Variants in ZNF407 observed in about 807,000 individuals in gnomAD.
ZNF407 encodes the protein zinc finger protein 407.
ZNF407 carries 17 observed loss-of-function variants against 131.2 expected under a neutral mutation model. That is an observed-to-expected ratio of 0.13 (90% CI 0.09 to 0.19). The LOEUF (loss-of-function observed/expected upper bound fraction) is 0.19. ZNF407 is among the 10% of genes least tolerant of loss of function. ZNF407 has a pLI of 1.00. For missense variants in ZNF407, 2,681 were observed against 2,830.6 expected (o/e 0.95, Z 1.20); for synonymous variants, 1,156 against 1,062.0 (o/e 1.09, Z -1.72).
Position 74,635,230 on chromosome 18 carries a change from A to G in ZNF407, c.4211A>G (p.Glu1404Gly), listed in dbSNP as rs1385183064. The change falls in exon 2 of 9, where the codon GAG (glutamate) becomes GGG (glycine). Residue 1404 changes from glutamate to glycine, a missense_variant. Coordinates refer to ENST00000299687, the MANE Select transcript of ZNF407 (RefSeq NM_017757.3). The surrounding 1 kb of genome is among the most constrained non-coding windows in gnomAD (Gnocchi z 4.7). Reference sequence around the variant, plus strand: ...CAAGGTGTGAAAAAGAAGAAATCTGAGGGCAGTTCCATTGGTGAGTCTACA... The same window carrying G: ...CAAGGTGTGAAAAAGAAGAAATCTGGGGGCAGTTCCATTGGTGAGTCTACA... Reference protein sequence around the residue: ...CAQGVKKKKSEGSSIGESTRI... With the variant: ...CAQGVKKKKSGGSSIGESTRI... 1.2e-6 allele frequency: 2 copies of G among 1,613,876 alleles called. No homozygotes were observed. The highest frequency in any genetic ancestry group is 1.7e-6 in the Non-Finnish European group (2 of 1,179,830).
At chr18:74,853,979 G>A (rs1220949259) in intron 4 of ZNF407, among the ~76,000 whole-genome samples, 2 of 152,148 alleles carry the variant, frequency 1.3e-5, no homozygotes, top group Non-Finnish European at 2.9e-5. Flanking sequence ...TGACTTCATG[G>A]CAGAATTTAT....
intron 4 of ZNF407, among the ~76,000 whole-genome samples, chr18:74,826,621 C>T (rs865994046): frequency 5.3e-5 from 8 of 152,068 alleles, no homozygotes; most frequent in African/African-American, 1.7e-4. Flanking sequence ...TATTTTCCTC[C>T]GAAGCCAAAC....
chr18:74,643,698 G>T (rs915040517), intron 3 of ZNF407, among the ~76,000 whole-genome samples: 17 of 152,066 alleles, frequency 1.1e-4, no homozygotes, highest in Admixed American at 5.9e-4. Context: ...CAATATTAAT[G>T]TCTCAGATTA....
chr18:74,978,335 A>C (rs1460897209), intron 8 of ZNF407, among the ~76,000 whole-genome samples: 2 of 152,208 alleles, frequency 1.3e-5, no homozygotes, highest in Non-Finnish European at 2.9e-5. Context: ...GACCTCATCA[A>C]ATAGGTCGTA....
At chr18:74,787,058 C>T (rs1439731323) in intron 4 of ZNF407, among the ~76,000 whole-genome samples, 1 of 151,948 alleles carries the variant, frequency 6.6e-6, no homozygotes, top group African/African-American at 2.4e-5. Flanking sequence ...CCACCTGCCT[C>T]GGCCACCCAA....
intron 8 of ZNF407, among the ~76,000 whole-genome samples, chr18:74,972,300 G>A (rs914265515): frequency 2.0e-5 from 3 of 152,114 alleles, no homozygotes; most frequent in Admixed American, 6.5e-5. Flanking sequence ...ATCTACAACC[G>A]CCCTTCCCAG....
At chr18:75,021,761 C>T (rs1014631623) in intron 8 of ZNF407, among the ~76,000 whole-genome samples, 3 of 151,688 alleles carry the variant, frequency 2.0e-5, no homozygotes, top group South Asian at 2.1e-4. Flanking sequence ...AAATTCTATA[C>T]GGAAATAAAA....
At position 75,004,566 on chromosome 18, in the gene ZNF407, C is replaced by T. The variant is rs1275807362; in HGVS notation, c.5429-58584C>T. Among the ~76,000 whole-genome samples, 6 of 152,152 alleles carry T rather than the reference C, an allele frequency of 3.9e-5. No individual in the cohort carries two copies. In the East Asian group the frequency reaches 9.7e-4, roughly 25 times the overall value. On this transcript the variant is annotated intron_variant, in intron 8 of 8. Coordinates refer to ENST00000299687, the MANE Select transcript of ZNF407 (RefSeq NM_017757.3). ...GGGTCACTCAGCCTATCAAGCGAGT[C>T]TCTTGCTCGAGAGCCACCTGGTCCT...
In ZNF407 at chr18:74,634,273, C is replaced by G; in HGVS notation, c.3254C>G (p.Ala1085Gly). 1 of 1,613,992 alleles carries G rather than the reference C, an allele frequency of 6.2e-7. No homozygotes were observed. Among genetic ancestry groups the G allele is most frequent in the Admixed American group, 1.7e-5 (1 of 60,020 alleles). The change falls in exon 2 of 9, where the codon GCT (alanine) becomes GGT (glycine). Residue 1085 changes from alanine to glycine, a missense_variant. Transcript: ENST00000299687. ...TATCTCAACTCTGCTAATGTAGAAG[C>G]TGGTTCTGCAGACATGTCCAAAAAC... The part of the protein sequence containing the change: ...QSYLNSANVE[A>G]GSADMSKNII...
At position 75,064,436 on chromosome 18, in the gene ZNF407, C is replaced by G; in HGVS notation, c.6715C>G (p.Gln2239Glu). 6.6e-7 allele frequency: 1 copy of G among 1,509,922 alleles called. No individual in the cohort carries two copies. Among genetic ancestry groups the G allele is most frequent in the South Asian group, 1.3e-5 (1 of 77,906 alleles). The allele number at this position is 1,509,922 out of a possible 1,614,324, so 93.5% of individuals were successfully genotyped here. The part of the protein sequence containing the change: ...GSSAAAAIQS[Q>E]RESSELQEA ...CTCGGCCGCGGCGGCAATTCAGAGCCAAAGAGAAAGCAGCGAACTCCAGGA... is the reference window on the plus strand; with the variant it reads ...CTCGGCCGCGGCGGCAATTCAGAGCGAAAGAGAAAGCAGCGAACTCCAGGA... Residue 2239 changes from glutamine (Q) to glutamate (E), a missense_variant, in exon 9 of 9, where the codon CAA (glutamine) becomes GAA (glutamate). Physicochemically the swap from Gln to Glu is conservative, Grantham distance 29 (BLOSUM62 2). Around this residue, in one of 6 missense-constraint regions of ZNF407, gnomAD observed 620 missense variants for 583.1 expected, o/e 1.06. Transcript: ENST00000299687.
chr18:74,681,263 T>C (rs1966975666), intron 3 of ZNF407, among the ~76,000 whole-genome samples: 1 of 151,922 alleles, frequency 6.6e-6, no homozygotes, highest in Non-Finnish European at 1.5e-5. Context: ...TGAGATAGTG[T>C]CTCCCTCTGT....
chr18:75,047,338 G>A (rs1973446578), intron 8 of ZNF407, among the ~76,000 whole-genome samples: 1 of 152,178 alleles, frequency 6.6e-6, no homozygotes, highest in Non-Finnish European at 1.5e-5. Flanking sequence ...ACTAAAAAAA[G>A]CAGGGACGGC....
At chr18:74,936,544 C>T (rs1972042065) in intron 8 of ZNF407, among the ~76,000 whole-genome samples, 1 of 152,198 alleles carries the variant, frequency 6.6e-6, no homozygotes, top group Non-Finnish European at 1.5e-5. Flanking sequence ...CTTACCACCA[C>T]CCAGCTGTGC....
At chr18:74,959,700 C>T (rs1472699188) in intron 8 of ZNF407, among the ~76,000 whole-genome samples, 1 of 152,172 alleles carries the variant, frequency 6.6e-6, no homozygotes. Flanking sequence ...AGCTTGATTT[C>T]AGCACAGTTT....
chr18:74,667,547 C>G (rs973105449), intron 3 of ZNF407, among the ~76,000 whole-genome samples: 23 of 152,144 alleles, frequency 1.5e-4, no homozygotes, highest in African/African-American at 5.6e-4. Context: ...GCACTTAATC[C>G]TCACAGCAGC....
intron 6 of ZNF407, among the ~76,000 whole-genome samples, chr18:74,886,590 C>T (rs1164647786): frequency 6.6e-6 from 1 of 152,144 alleles, no homozygotes; most frequent in African/African-American, 2.4e-5. Flanking sequence ...TATTTATACT[C>T]ATAGTAGCAT....
intron 4 of ZNF407, among the ~76,000 whole-genome samples, chr18:74,867,900 T>C (rs187493644): frequency 6.6e-6 from 1 of 152,334 alleles, no homozygotes; most frequent in East Asian, 1.9e-4. Flanking sequence ...TCCATTAATA[T>C]GCCAGTTTAG....
At chr18:74,713,937 A>T (rs1967831153) in intron 3 of ZNF407, among the ~76,000 whole-genome samples, 1 of 152,212 alleles carries the variant, frequency 6.6e-6, no homozygotes, top group Admixed American at 6.5e-5. Context: ...TTATGTTTGT[A>T]TGTGACATCT....
At chr18:75,022,178 T>A (rs1376366195) in intron 8 of ZNF407, among the ~76,000 whole-genome samples, 2 of 152,128 alleles carry the variant, frequency 1.3e-5, no homozygotes, top group African/African-American at 4.8e-5. Flanking sequence ...CAATAAAAGA[T>A]ACATAAACAC....
Sources: allele counts gnomAD v4.1 joint callset (sites outside exome capture counted in the v4.1 genomes callset), GRCh38; gene constraint gnomAD v4.1.1; regional missense constraint gnomAD v4.1.1; non-coding constraint Gnocchi (gnomAD v3.1); transcripts MANE v1.5; gene names NCBI Gene and HGNC (gene_info 2026-07-23, HGNC 2026-07-21).